NAALADL2: variants seen among roughly 807,000 people sequenced by gnomAD.
The protein encoded by NAALADL2 is inactive N-acetylated-alpha-linked acidic dipeptidase-like protein 2.
In NAALADL2, 76 loss-of-function variants were observed where a neutral mutation model predicts 87.2. The observed-to-expected ratio is 0.87, with a 90% CI of 0.72 to 1.05. The LOEUF is 1.05. Among genes scored for constraint, NAALADL2 ranks in the 50% least tolerant of loss-of-function variants. The probability of loss-of-function intolerance (pLI) is 0.00; values close to 1 mark genes in which losing one functional copy is unlikely to be tolerated. For missense variants in NAALADL2, 1,089 were observed against 945.8 expected, an observed-to-expected ratio of 1.15 and a Z score of -1.99; for synonymous variants, 354 against 331.0, an observed-to-expected ratio of 1.07 and a Z score of -0.75.
intron 2 of NAALADL2, among the ~76,000 whole-genome samples, chr3:174,672,529 A>G (rs923178862): frequency 2.6e-5 from 4 of 152,034 alleles, no homozygotes; most frequent in Non-Finnish European, 5.9e-5. Flanking sequence ...GTAGTATAAG[A>G]TCATATCTAT....
chr3:175,486,351 C>T (rs1336779228), intron 9 of NAALADL2, among the ~76,000 whole-genome samples: 1 of 152,088 alleles, frequency 6.6e-6, no homozygotes, highest in Non-Finnish European at 1.5e-5. Context: ...ACCTCTAGGA[C>T]TCATGGAGTC....
rs181835243 is a variant in NAALADL2 at position 175,562,034 on chromosome 3, A to G, written c.1654-14007A>G. Among the ~76,000 whole-genome samples the G allele has an allele frequency of 2.0e-3, 302 of 152,320 alleles. 2 individuals carry two copies. Among genetic ancestry groups the G allele is most frequent in the African/African-American group, 7.0e-3 (290 of 41,564 alleles). ...TCTGCAAAATGCCAAATTCAACACA[A>G]AGTCTCAGATCAAATTAGTCTGTAT... On this transcript the variant is annotated intron_variant, in intron 9 of 13. Transcript: ENST00000454872.
intron 1 of NAALADL2, among the ~76,000 whole-genome samples, chr3:174,530,877 A>G (rs532825733): frequency 1.8e-3 from 272 of 152,338 alleles, no homozygotes; most frequent in Non-Finnish European, 3.1e-3. Flanking sequence ...ACACACACAG[A>G]AAGTAGGAAG....
At chr3:174,528,116 G>T (rs568376944) in intron 1 of NAALADL2, among the ~76,000 whole-genome samples, 2 of 152,244 alleles carry the variant, frequency 1.3e-5, no homozygotes, top group African/African-American at 4.8e-5. Flanking sequence ...AAAAGCTTGT[G>T]AATCTAAATT....
At chr3:175,262,575 A>AGTGT (rs71164625) in intron 4 of NAALADL2, among the ~76,000 whole-genome samples, 40,162 of 146,880 alleles carry the variant, frequency 0.27, 5,632 homozygotes, top group Middle Eastern at 0.36. Flanking sequence ...ATGTTGTGTG[A>AGTGT]GTGTGTGTGT....
chr3:175,678,373 G>A (rs983887377), intron 11 of NAALADL2, among the ~76,000 whole-genome samples: 1 of 152,278 alleles, frequency 6.6e-6, no homozygotes, highest in South Asian at 2.1e-4. Context: ...AACAGGGACT[G>A]TAAGAGGAAT....
intron 9 of NAALADL2, among the ~76,000 whole-genome samples, chr3:175,482,895 G>A (rs763225084): frequency 6.6e-6 from 1 of 151,794 alleles, no homozygotes; most frequent in Non-Finnish European, 1.5e-5. Context: ...TTTACTAGAT[G>A]TGGGGAATTA....
At chr3:174,759,421 G>A (rs1349320165) in intron 3 of NAALADL2, among the ~76,000 whole-genome samples, 1 of 152,090 alleles carries the variant, frequency 6.6e-6, no homozygotes, top group African/African-American at 2.4e-5. Flanking sequence ...TTTGAACATG[G>A]TGCATTGCCT....
At chr3:174,981,029 T>A (rs1018951234) in intron 1 of NAALADL2, among the ~76,000 whole-genome samples, 20 of 152,166 alleles carry the variant, frequency 1.3e-4, no homozygotes, top group African/African-American at 4.8e-4. Flanking sequence ...CTAGGGTAAA[T>A]TCTAGTTTCT....
chr3:175,467,551 G>A (rs1376784354), intron 8 of NAALADL2, among the ~76,000 whole-genome samples: 1 of 152,134 alleles, frequency 6.6e-6, no homozygotes, highest in African/African-American at 2.4e-5. Flanking sequence ...GGAATGATCT[G>A]GAATTAGGGA....
intron 5 of NAALADL2, chr3:175,397,443 C>A (rs1769951097): frequency 6.6e-6 from 1 of 152,022 alleles, no homozygotes; most frequent in Non-Finnish European, 1.5e-5. Context: ...TGCCCACAAT[C>A]CATAGCCAAA....
At chr3:175,662,497 T>C (rs1399040354) in intron 11 of NAALADL2, among the ~76,000 whole-genome samples, 1 of 151,996 alleles carries the variant, frequency 6.6e-6, no homozygotes, top group African/African-American at 2.4e-5. Flanking sequence ...TCTTACCTAA[T>C]TGCCCTGGCT....
chr3:174,746,734 T>C (rs2109024439), intron 3 of NAALADL2, among the ~76,000 whole-genome samples: 1 of 152,078 alleles, frequency 6.6e-6, no homozygotes, highest in South Asian at 2.1e-4. Context: ...AAAAGACACA[T>C]AGACCAATGG....
intron 11 of NAALADL2, among the ~76,000 whole-genome samples, chr3:175,699,726 G>C (rs1021579991): frequency 6.6e-6 from 1 of 151,230 alleles, no homozygotes; most frequent in African/African-American, 2.5e-5. Flanking sequence ...TATTTATTGA[G>C]TGCCACTGAG....
intron 1 of NAALADL2, among the ~76,000 whole-genome samples, chr3:174,923,114 G>A (rs1386081882): frequency 5.3e-5 from 8 of 152,232 alleles, no homozygotes; most frequent in East Asian, 3.9e-4. Flanking sequence ...GTAAATACAA[G>A]ATGAGCCTGA....
chr3:174,814,809 T>G (rs1302576302), intron 3 of NAALADL2, among the ~76,000 whole-genome samples: 3 of 152,196 alleles, frequency 2.0e-5, no homozygotes, highest in Non-Finnish European at 4.4e-5. Flanking sequence ...TTTTGATTAC[T>G]TAGAGGTATA....
chr3:175,568,081 A>G (rs1022370661), intron 9 of NAALADL2, among the ~76,000 whole-genome samples: 1 of 152,084 alleles, frequency 6.6e-6, no homozygotes, highest in South Asian at 2.1e-4. Context: ...TTAATCTTTA[A>G]TAAAGGCATT....
intron 2 of NAALADL2, among the ~76,000 whole-genome samples, chr3:174,647,242 C>G (rs926307565): frequency 4.6e-5 from 7 of 152,156 alleles, no homozygotes; most frequent in Admixed American, 2.6e-4. Flanking sequence ...AGGTAAATTA[C>G]TTGCTCAAGG....
chr3:175,791,122 G>A (rs1232938579), intron 13 of NAALADL2, among the ~76,000 whole-genome samples: 2 of 152,112 alleles, frequency 1.3e-5, no homozygotes, highest in Non-Finnish European at 2.9e-5. Flanking sequence ...ATGATTCCTA[G>A]AACATTGTAG....
Sources: gnomAD v4.1 joint callset for allele counts (sites outside exome capture counted in the v4.1 genomes callset) on GRCh38, gnomAD v4.1.1 for gene constraint, MANE v1.5 for transcripts, NCBI Gene and HGNC (gene_info 2026-07-23, HGNC 2026-07-21) for gene names.